Variants in MEX3D observed in about 807,000 individuals in gnomAD.
The protein encoded by MEX3D is RNA-binding protein MEX3D.
A neutral mutation model predicts 6.3 loss-of-function variants in MEX3D; 4 were observed. The observed-to-expected ratio is 0.64, with a 90% confidence interval of 0.31 to 1.46. The LOEUF is 1.46. Among genes scored for constraint, MEX3D ranks in the 40% most tolerant of loss-of-function variants. The pLI is 0.07. For synonymous variants in MEX3D, 626 were observed against 494.1 expected (o/e 1.27, Z -3.54); for missense variants, 1,038 against 994.4 (o/e 1.04, Z -0.59).
At position 1,556,390 on chromosome 19, in the gene MEX3D, G is replaced by T; in HGVS notation, c.1129C>A (p.Pro377Thr). Residue 377 changes from proline to threonine, a missense_variant, in exon 2 of 2, where the codon CCC becomes ACC. By Grantham distance (38) the Pro-to-Thr change is conservative. Coordinates refer to ENST00000402693, the MANE Select transcript of MEX3D (RefSeq NM_203304.4). The surrounding 1 kb of genome is among the most constrained non-coding windows in gnomAD (Gnocchi z 7.5). Reference sequence around the variant, plus strand: ...GTGGGGGGCCGTCGTCCCTGGTTGGGGGTCTTGGCCCAGAGGCTGGCGGCC... The same window carrying T: ...GTGGGGGGCCGTCGTCCCTGGTTGGTGGTCTTGGCCCAGAGGCTGGCGGCC... ...GAAASLWAKT[P>T]NQGRRPPTAT... 1 of 1,548,180 alleles carries T rather than the reference G, an allele frequency of 6.5e-7. No homozygotes were observed. The highest frequency in any genetic ancestry group is 8.7e-7 in the Non-Finnish European group (1 of 1,155,106).
In MEX3D at chr19:1,557,848, G is replaced by A. The variant is rs569743886; in HGVS notation, c.596-925C>T. On this transcript the variant is annotated intron_variant, in intron 1 of 1. Coordinates refer to ENST00000402693, the MANE Select transcript of MEX3D (RefSeq NM_203304.4). ...TGCACTCCAGCCTGGGTGACAGAGC[G>A]AGACTGTCTCAAAAAAAAAAAAAAA... Among the ~76,000 whole-genome samples the A allele has an allele frequency of 1.4e-3, 112 of 82,202 alleles. 1 individual carries two copies. The highest frequency in any genetic ancestry group is 4.3e-3 in the African/African-American group (92 of 21,318). The allele number at this position is 82,202 out of a possible 152,430, so 53.9% of individuals were successfully genotyped here.
chr19:1,560,247 C>T (rs1914683291), intron 1 of MEX3D, among the ~76,000 whole-genome samples: 1 of 152,258 alleles, frequency 6.6e-6, no homozygotes, highest in African/African-American at 2.4e-5. Flanking sequence ...CTCACTGCAG[C>T]CCACAGTGTT....
At chr19:1,557,946 G>A (rs963012332) in intron 1 of MEX3D, among the ~76,000 whole-genome samples, 2 of 147,244 alleles carry the variant, frequency 1.4e-5, no homozygotes, top group African/African-American at 5.0e-5. Context: ...CCAGCCACTG[G>A]GGAGGGCTGA....
chr19:1,566,361 G>A lies in MEX3D; in HGVS notation c.595+1103C>T, dbSNP rs147720338. 4.5e-3 allele frequency among the ~76,000 whole-genome samples: 678 copies of A among 152,324 alleles called. 6 individuals are homozygous for A. Among genetic ancestry groups the A allele is most frequent in the African/African-American group, 0.015 (637 of 41,568 alleles). ...CTGGACCGAGGGAAAGGGCGGAGGG[G>A]AGGGCGCCCTGGTGGTCCCCCGCCT... On this transcript the variant is annotated intron_variant, in intron 1 of 1. Coordinates refer to ENST00000402693, the MANE Select transcript of MEX3D (RefSeq NM_203304.4).
chr19:1,555,558 G>C lies in MEX3D; in HGVS notation c.*5C>G, dbSNP rs762477479. 5 of 1,566,292 alleles carry C rather than the reference G, an allele frequency of 3.2e-6. No homozygotes were observed. The highest frequency in any genetic ancestry group is 2.3e-5 in the South Asian group (2 of 85,298). On this transcript the variant is annotated 3_prime_UTR_variant, in exon 2 of 2. Transcript: ENST00000402693. ...GATGGCCCCGGCCACGTGGTGGTCC[G>C]CGCTCTAGGAAAAGATATGAATGGC... is the stretch of plus-strand genomic sequence containing the variant.
At position 1,567,862 on chromosome 19, in the gene MEX3D, A is replaced by C; in HGVS notation, c.197T>G (p.Leu66Arg). 1 of 997,476 alleles carries C rather than the reference A, an allele frequency of 1.0e-6. No individual in the cohort carries two copies. The highest frequency in any genetic ancestry group is 1.2e-6 in the Non-Finnish European group (1 of 841,040). The allele number at this position is 997,476 out of a possible 1,614,324, so 61.8% of individuals were successfully genotyped here. ...AGCGCCCCCCAGCCCGAGCGCCGAC[A>C]GCTGGTCCAGCGCCAGGCGGAGCGC... is the stretch of plus-strand genomic sequence containing the variant. Reference protein sequence around the residue: ...AAALRLALDQLSALGLGGAGD... With the variant: ...AAALRLALDQRSALGLGGAGD... Residue 66 changes from leucine to arginine, a missense_variant, in exon 1 of 2, where the codon CTG (leucine) becomes CGG (arginine). Physicochemically the swap from Leu to Arg is moderately radical, Grantham distance 102. Around this residue, in one of 5 missense-constraint regions of MEX3D, gnomAD observed 265 missense variants for 206.3 expected, o/e 1.28. Transcript: ENST00000402693. The surrounding 1 kb of genome is among the most constrained non-coding windows in gnomAD (Gnocchi z 6.5).
At chr19:1,557,720 G>A (rs1300381296) in intron 1 of MEX3D, among the ~76,000 whole-genome samples, 2 of 151,190 alleles carry the variant, frequency 1.3e-5, no homozygotes, top group Admixed American at 6.6e-5. Flanking sequence ...TTAGCCAGGC[G>A]TGGTGGCAGG....
chr19:1,555,929 A>T lies in MEX3D; in HGVS notation c.1590T>A (p.Ser530=), dbSNP rs1345278078. Residue 530 remains serine (S), a synonymous_variant, in exon 2 of 2, where the codon TCT becomes TCA. Coordinates refer to ENST00000402693, the MANE Select transcript of MEX3D (RefSeq NM_203304.4). ...CCACCGGGTCCGGGGCGCCACGGCGAGACAGCGGGAGCTCCAGGCGGAGGC... is the reference window on the plus strand; with the variant it reads ...CCACCGGGTCCGGGGCGCCACGGCGTGACAGCGGGAGCTCCAGGCGGAGGC... ...PGGLRLELPL[S]RRGAPDPVGA... is the part of the protein sequence containing the mutation. 2 of 1,189,346 alleles carry T rather than the reference A, an allele frequency of 1.7e-6. No individual in the cohort carries two copies. The highest frequency in any genetic ancestry group is 2.1e-6 in the Non-Finnish European group (2 of 961,022). The allele number at this position is 1,189,346 out of a possible 1,614,324, so 73.7% of individuals were successfully genotyped here. A position where few individuals can be genotyped will look rare whatever the true frequency, so the allele number is the denominator to read the frequency against.
intron 1 of MEX3D, among the ~76,000 whole-genome samples, chr19:1,558,980 GTTTTT>G (rs113227025): frequency 6.9e-6 from 1 of 144,132 alleles, no homozygotes; most frequent in Middle Eastern, 3.3e-3. Flanking sequence ...GGCCTTAATG[GTTTTT>G]TTTTTTTTCT....
At position 1,567,483 on chromosome 19, in the gene MEX3D, G is replaced by A; in HGVS notation, c.576C>T (p.Ala192=). ...CVPVPSSEHV[A]EIVGRQGCKI... is the part of the protein sequence containing the mutation. ...ACTCACCCTGGCGACCCACGATCTC[G>A]GCGACGTGCTCGGAGCTGGGCACCG... Residue 192 remains alanine (A), a synonymous_variant, in exon 1 of 2, where the codon GCC becomes GCT. Transcript: ENST00000402693. This position sits in a 1 kb window ranked among gnomAD's most constrained non-coding sequence, Gnocchi z 6.5. 1 of 1,572,620 alleles carries A rather than the reference G, an allele frequency of 6.4e-7. No individual in the cohort carries two copies.
intron 1 of MEX3D, among the ~76,000 whole-genome samples, chr19:1,566,273 G>A (rs1488005404): frequency 6.6e-6 from 1 of 152,176 alleles, no homozygotes; most frequent in Non-Finnish European, 1.5e-5. Flanking sequence ...ACCCTCCGTG[G>A]GTCCCCACAT....
chr19:1,566,840 C>T (rs1381168429), intron 1 of MEX3D, among the ~76,000 whole-genome samples: 1 of 152,150 alleles, frequency 6.6e-6, no homozygotes, highest in African/African-American at 2.4e-5. Context: ...TGCCGCCCGC[C>T]GGCCTGCCCA....
At position 1,556,049 on chromosome 19, in the gene MEX3D, C is replaced by T. The variant is rs773247273; in HGVS notation, c.1470G>A (p.Thr490=). 3.6e-4 allele frequency: 493 copies of T among 1,363,850 alleles called. 1 individual carries two copies. Among genetic ancestry groups the T allele is most frequent in the Middle Eastern group, 5.4e-4 (2 of 3,710 alleles). 84.5% of individuals were successfully genotyped at this position (1,363,850 alleles called of 1,614,324 possible). The change falls in exon 2 of 2, where the codon ACG becomes ACA. Residue 490 remains threonine, a synonymous_variant. Coordinates refer to ENST00000402693, the MANE Select transcript of MEX3D (RefSeq NM_203304.4). This position sits in a 1 kb window ranked among gnomAD's most constrained non-coding sequence, Gnocchi z 7.5. ...CGGGAGGTCCCGGGGCTCCGTTGAC[C>T]GTGGAGCAGCCGCTGAAGGCGGGCA... ...APLPAFSGCS[T]VNGAPGPPAA... is the part of the protein sequence containing the mutation.
At chr19:1,557,576 A>C (rs1309854125) in intron 1 of MEX3D, among the ~76,000 whole-genome samples, 1 of 143,048 alleles carries the variant, frequency 7.0e-6, no homozygotes, top group East Asian at 2.1e-4. Context: ...AAAAAAAAAA[A>C]AAAGCGGGGT....
In MEX3D at chr19:1,567,813, C is replaced by T; in HGVS notation, c.246G>A (p.Ala82=). The change falls in exon 1 of 2, where the codon GCG becomes GCA. Residue 82 remains alanine (A), a synonymous_variant. Coordinates refer to ENST00000402693, the MANE Select transcript of MEX3D (RefSeq NM_203304.4). This position sits in a 1 kb window ranked among gnomAD's most constrained non-coding sequence, Gnocchi z 6.5. ...GGAGDTDEEG[A]AGDGAAAAGG... is the part of the protein sequence containing the mutation. ...CCGCCGCCGCTGCGCCGTCCCCGGC[C>T]GCCCCCTCCTCGTCCGTGTCGCCAG... The T allele has an allele frequency of 1.0e-6, 1 of 975,378 alleles. No homozygotes were observed. The highest frequency in any genetic ancestry group is 1.2e-6 in the Non-Finnish European group (1 of 821,520). The allele number at this position is 975,378 out of a possible 1,614,324, so 60.4% of individuals were successfully genotyped here. A position where few individuals can be genotyped will look rare whatever the true frequency, so the allele number is the denominator to read the frequency against.
At chr19:1,566,163 A>G (rs922597377) in intron 1 of MEX3D, among the ~76,000 whole-genome samples, 11 of 152,144 alleles carry the variant, frequency 7.2e-5, no homozygotes, top group Admixed American at 5.2e-4. Flanking sequence ...CCCTCCTGCC[A>G]GGGGGTCCCA....
chr19:1,564,774 G>A (rs1373409716), intron 1 of MEX3D, among the ~76,000 whole-genome samples: 2 of 152,102 alleles, frequency 1.3e-5, no homozygotes, highest in Non-Finnish European at 2.9e-5. Context: ...TGGCCTCCAG[G>A]GAAGGGGTAA....
At chr19:1,557,816 A>G (rs959787518) in intron 1 of MEX3D, among the ~76,000 whole-genome samples, 3 of 132,382 alleles carry the variant, frequency 2.3e-5, no homozygotes, top group African/African-American at 5.6e-5. Flanking sequence ...CCGAGATCGC[A>G]CACCATTGCA....
chr19:1,560,698 C>T (rs952316716), intron 1 of MEX3D, among the ~76,000 whole-genome samples: 1 of 152,194 alleles, frequency 6.6e-6, no homozygotes, highest in African/African-American at 2.4e-5. Flanking sequence ...GCGCCTCCCC[C>T]TCCCCTTACT....
Sources: gnomAD v4.1 joint callset for allele counts (sites outside exome capture counted in the v4.1 genomes callset) on GRCh38, gnomAD v4.1.1 for gene constraint, gnomAD v4.1.1 regional missense constraint, Gnocchi (gnomAD v3.1) non-coding constraint, MANE v1.5 for transcripts, NCBI Gene and HGNC (gene_info 2026-07-23, HGNC 2026-07-21) for gene names.